The following PRAG1 variants were observed in gnomAD, a reference collection of about 807,000 sequenced individuals.
PRAG1 encodes PEAK1 related, kinase-activating pseudokinase 1, also known as inactive tyrosine-protein kinase PRAG1.
PRAG1 carries 110 observed loss-of-function variants against 95.6 expected under a neutral mutation model. That is an observed-to-expected ratio of 1.15 (90% CI 0.99 to 1.35). The LOEUF is 1.35. Ranked by LOEUF, PRAG1 falls within the 40% of genes most tolerant of loss-of-function variation. The pLI is 0.00. For synonymous variants in PRAG1, 1,052 were observed against 819.4 expected, an observed-to-expected ratio of 1.28 and a Z score of -4.85; for missense variants, 2,554 against 1,864.7, an observed-to-expected ratio of 1.37 and a Z score of -6.81.
chr8:8,357,623 A>T (rs1337303950), intron 3 of PRAG1, among the ~76,000 whole-genome samples: 1 of 152,226 alleles, frequency 6.6e-6, no homozygotes, highest in Non-Finnish European at 1.5e-5. Flanking sequence ...TATGGAAAAC[A>T]GTAAGGCAGT....
intron 1 of PRAG1, among the ~76,000 whole-genome samples, chr8:8,384,466 G>A (rs750577043): frequency 2.0e-5 from 3 of 151,976 alleles, no homozygotes; most frequent in Non-Finnish European, 4.4e-5. Context: ...AGGGACGGAT[G>A]GACGCAAAGA....
chr8:8,377,242 T>A lies in PRAG1; in HGVS notation c.1167A>T (p.Arg389Ser). 6.2e-7 allele frequency: 1 copy of A among 1,612,876 alleles called. No homozygotes were observed. Among genetic ancestry groups the A allele is most frequent in the Admixed American group, 1.7e-5 (1 of 60,012 alleles). ...GGGGCTCCCCCGTCAGCCCAAGGCA[T>A]CTGCTAGGGGTCACCCCTGGGCAGC... The part of the protein sequence containing the change: ...DPGCPGVTPS[R>S]CLGLTGEPQP... The change falls in exon 3 of 6, where the codon AGA becomes AGT. Residue 389 changes from arginine (R) to serine (S), a missense_variant. Coordinates refer to ENST00000615670, the MANE Select transcript of PRAG1 (RefSeq NM_001080826.3).
At chr8:8,347,021 C>T (rs546730783) in intron 3 of PRAG1, among the ~76,000 whole-genome samples, 9 of 152,268 alleles carry the variant, frequency 5.9e-5, no homozygotes, top group Non-Finnish European at 1.2e-4. Context: ...TTTAGAGCAT[C>T]AAATAAATGT....
At chr8:8,385,249 C>T (rs534857668) in intron 1 of PRAG1, among the ~76,000 whole-genome samples, 2 of 152,128 alleles carry the variant, frequency 1.3e-5, no homozygotes, top group Admixed American at 1.3e-4. Flanking sequence ...CAGGGCTGAC[C>T]AGGCAGAAAG....
At chr8:8,355,159 C>T (rs1183317152) in intron 3 of PRAG1, among the ~76,000 whole-genome samples, 3 of 151,762 alleles carry the variant, frequency 2.0e-5, no homozygotes, top group African/African-American at 7.3e-5. Context: ...ATCAAGAAAA[C>T]AATCCAACTT....
Position 8,371,131 on chromosome 8 carries a change from C to CA in PRAG1, c.2162+5115dup, listed in dbSNP as rs549978543. On this transcript the variant is annotated intron_variant, in intron 3 of 5. Transcript: ENST00000615670. Reference sequence around the variant, plus strand: ...AGCCTGAGCGACAGAGATTCTGTCTCAAAAAAAAAAAAAAAAAAAAGAGTG... The same window carrying CA: ...AGCCTGAGCGACAGAGATTCTGTCTCAAAAAAAAAAAAAAAAAAAAAGAGTG... 0.015 allele frequency among the ~76,000 whole-genome samples: 1,221 copies of CA among 81,234 alleles called. 44 individuals carry two copies. The East Asian group carries it at 0.16, about 11-fold the overall frequency. 53.3% of individuals were successfully genotyped at this position (81,234 alleles called of 152,430 possible).
chr8:8,379,666 A>G (rs962230519), intron 2 of PRAG1, among the ~76,000 whole-genome samples: 3 of 152,256 alleles, frequency 2.0e-5, no homozygotes, highest in Non-Finnish European at 4.4e-5. Flanking sequence ...CAAGAAAACT[A>G]GAACAGGCAA....
chr8:8,381,311 C>T (rs900469222), intron 2 of PRAG1, 107 bp downstream of exon 2: 11 of 1,099,440 alleles, frequency 1.0e-5, no homozygotes, highest in Middle Eastern at 4.2e-4. Context: ...AGGAAGCTAT[C>T]CTGCAGGTTT....
At chr8:8,333,405 A>G (rs1032782104) in intron 4 of PRAG1, among the ~76,000 whole-genome samples, 2 of 152,178 alleles carry the variant, frequency 1.3e-5, no homozygotes, top group Admixed American at 6.5e-5. Flanking sequence ...GAGAAGCTAC[A>G]TATCACGTAT....
chr8:8,377,772 C>G lies in PRAG1; in HGVS notation c.637G>C (p.Ala213Pro). The change falls in exon 3 of 6, where the codon GCC (alanine) becomes CCC (proline). Residue 213 changes from alanine (A) to proline (P), a missense_variant. Physicochemically the swap from Ala to Pro is conservative, Grantham distance 27. Coordinates refer to ENST00000615670, the MANE Select transcript of PRAG1 (RefSeq NM_001080826.3). ...CAGCCAGATGTGGTCCCAGCAAAGG[C>G]AGCCAGTTTCTGGCGGAAGCTCTCC... ...TQESFRQKLA[A>P]FAGTTSGCHQ... The G allele has an allele frequency of 6.2e-7, 1 of 1,614,164 alleles. No homozygotes were observed. Among genetic ancestry groups the G allele is most frequent in the Non-Finnish European group, 8.5e-7 (1 of 1,180,040 alleles).
chr8:8,370,788 G>A (rs1285201618), intron 3 of PRAG1, among the ~76,000 whole-genome samples: 3 of 152,196 alleles, frequency 2.0e-5, no homozygotes, highest in Admixed American at 2.0e-4. Context: ...TCTGTGGACA[G>A]AAACGAACTC....
Position 8,339,646 on chromosome 8 carries a change from T to G in PRAG1, c.2163-11A>C. The stretch of plus-strand genomic sequence containing the variant: ...ATTTTTAGAAGGTGCCTGGAAAAGG[T>G]AGGAACAAACAATACAAATAACTCA... On this transcript the variant is annotated splice_polypyrimidine_tract_variant and intron_variant, in intron 3 of 5. Transcript: ENST00000615670. 6.2e-7 allele frequency: 1 copy of G among 1,607,760 alleles called. No individual in the cohort carries two copies. The highest frequency in any genetic ancestry group is 1.1e-5 in the South Asian group (1 of 90,934).
intron 3 of PRAG1, among the ~76,000 whole-genome samples, chr8:8,348,702 C>G (rs1243849185): frequency 1.3e-5 from 2 of 152,122 alleles, no homozygotes; most frequent in East Asian, 1.9e-4. Flanking sequence ...AAATTCCTCC[C>G]AAACTATTTC....
Position 8,377,027 on chromosome 8 carries a change from C to A in PRAG1, c.1382G>T (p.Arg461Leu), listed in dbSNP as rs552652315. ...WAQKAASGWG[R>L]DSPDPTPQVS... is the part of the protein sequence containing the mutation. ...CTGGGGAGTTGGGTCTGGGCTGTCCCGGCCCCAGCCAGATGCTGCTTTCTG... is the reference window on the plus strand; with the variant it reads ...CTGGGGAGTTGGGTCTGGGCTGTCCAGGCCCCAGCCAGATGCTGCTTTCTG... Residue 461 changes from arginine (R) to leucine (L), a missense_variant, in exon 3 of 6, where the codon CGG becomes CTG. Transcript: ENST00000615670. 16 of 1,613,924 alleles carry A rather than the reference C, an allele frequency of 9.9e-6. No homozygotes were observed. The East Asian group carries it at 3.3e-4, about 34-fold the overall frequency.
At position 8,339,552 on chromosome 8, in the gene PRAG1, C is replaced by G; in HGVS notation, c.2246G>C (p.Arg749Thr). The G allele has an allele frequency of 6.2e-7, 1 of 1,614,174 alleles. No homozygotes were observed. The highest frequency in any genetic ancestry group is 8.5e-7 in the Non-Finnish European group (1 of 1,180,038). The change falls in exon 4 of 6, where the codon AGG becomes ACG. Residue 749 changes from arginine to threonine, a missense_variant. By Grantham distance (71) the Arg-to-Thr change is moderately conservative. Transcript: ENST00000615670. ...GSAESLSPSF[R>T]GVHVSFTTGS... ...GGTGGTGAAGCTGACGTGGACACCC[C>G]TGAAGGATGGGCTGAGGCTTTCTGC...
Position 8,319,155 on chromosome 8 carries a change from G to A in PRAG1, c.3220C>T (p.Pro1074Ser), listed in dbSNP as rs1798392807. ...GCAGGGGGGTGTGTGGGCAGGGCAG[G>A]CACAGGGTCCTTGGGCGCGTCGGGG... ...SSPDAPKDPV[P>S]ALPTHPPAQE... Residue 1074 changes from proline to serine, a missense_variant, in exon 6 of 6, where the codon CCT (proline) becomes TCT (serine). Pro to Ser is a moderately conservative substitution (Grantham distance 74, BLOSUM62 -1). Transcript: ENST00000615670. The A allele has an allele frequency of 1.2e-6, 2 of 1,605,302 alleles. No homozygotes were observed. Among genetic ancestry groups the A allele is most frequent in the South Asian group, 2.2e-5 (2 of 90,442 alleles).
intron 3 of PRAG1, among the ~76,000 whole-genome samples, chr8:8,373,669 T>A (rs1800288264): frequency 6.6e-6 from 1 of 152,106 alleles, no homozygotes; most frequent in Non-Finnish European, 1.5e-5. Context: ...CCCAGGTTGG[T>A]CTCAAAGTCC....
At chr8:8,352,514 T>G (rs1427660751) in intron 3 of PRAG1, among the ~76,000 whole-genome samples, 1 of 152,202 alleles carries the variant, frequency 6.6e-6, no homozygotes, top group African/African-American at 2.4e-5. Context: ...TTCATCACTT[T>G]TATTCATCTT....
Position 8,366,386 on chromosome 8 carries a change from T to A in PRAG1, c.2162+9861A>T, listed in dbSNP as rs139456051. ...TAGAGTGCAATGGCATGATCTTGGC[T>A]CACTGCAACCTCCAACTCCCGGGTT... On this transcript the variant is annotated intron_variant, in intron 3 of 5. Transcript: ENST00000615670. Among the ~76,000 whole-genome samples the A allele has an allele frequency of 7.5e-3, 1,133 of 151,252 alleles. 9 individuals are homozygous for A. The highest frequency in any genetic ancestry group is 0.011 in the Non-Finnish European group (742 of 67,864).
Sources: gnomAD v4.1 joint callset for allele counts (sites outside exome capture counted in the v4.1 genomes callset) on GRCh38, gnomAD v4.1.1 for gene constraint, MANE v1.5 for transcripts, NCBI Gene and HGNC (gene_info 2026-07-23, HGNC 2026-07-21) for gene names.